Variants in CDH20 observed in about 807,000 individuals in gnomAD.
CDH20 encodes the protein cadherin-20.
Under a neutral mutation model 74.2 loss-of-function variants are expected in CDH20, and 29 were observed. The observed-to-expected ratio is 0.39, with a 90% confidence interval of 0.29 to 0.53. The LOEUF is 0.53. Among genes scored for constraint, CDH20 ranks in the 20% least tolerant of loss-of-function variants. The probability of loss-of-function intolerance (pLI) is 0.69; values close to 1 mark genes in which losing one functional copy is unlikely to be tolerated. For missense variants in CDH20, 988 were observed against 1,048.3 expected, an observed-to-expected ratio of 0.94 and a Z score of 0.79; for synonymous variants, 469 against 405.4, an observed-to-expected ratio of 1.16 and a Z score of -1.88.
chr18:61,444,464 T>C, intron 1 of CDH20, among the ~76,000 whole-genome samples: 1 of 152,210 alleles, frequency 6.6e-6, no homozygotes, highest in Non-Finnish European at 1.5e-5. Flanking sequence ...GCTTGAAGGC[T>C]AATACCCTTG....
At chr18:61,545,632 T>C (rs1913222050) in intron 10 of CDH20, among the ~76,000 whole-genome samples, 1 of 151,898 alleles carries the variant, frequency 6.6e-6, no homozygotes, top group African/African-American at 2.4e-5. Flanking sequence ...GAAAGTGATC[T>C]AGGATAAAAA....
chr18:61,355,605 G>A (rs1382060765), intron 1 of CDH20, among the ~76,000 whole-genome samples: 2 of 152,094 alleles, frequency 1.3e-5, no homozygotes, highest in South Asian at 2.1e-4. Context: ...TATGGCTAGT[G>A]GACCAAAAAA....
chr18:61,473,993 T>A (rs76210538), intron 1 of CDH20, among the ~76,000 whole-genome samples: 1,569 of 152,358 alleles, frequency 0.01, 27 homozygotes, highest in African/African-American at 0.034. Flanking sequence ...ATGTTATAAA[T>A]GCTTACTACT....
chr18:61,469,173 C>T (rs1461809391), intron 1 of CDH20, among the ~76,000 whole-genome samples: 1 of 152,144 alleles, frequency 6.6e-6, no homozygotes. Flanking sequence ...TGTTTCATGT[C>T]AGCCTCTGCT....
At chr18:61,497,098 AAAAAG>A (rs1347763656) in intron 2 of CDH20, among the ~76,000 whole-genome samples, 52 of 52,740 alleles carry the variant, frequency 9.9e-4, no homozygotes, top group African/African-American at 3.4e-3. Context: ...TGTAAAAAAA[AAAAAG>A]AAAGAAAGAA....
intron 6 of CDH20, among the ~76,000 whole-genome samples, chr18:61,510,907 A>T (rs1205815474): frequency 6.6e-6 from 1 of 152,082 alleles, no homozygotes; most frequent in Non-Finnish European, 1.5e-5. Flanking sequence ...ATTGCTAACC[A>T]TAACTAGTAA....
intron 7 of CDH20, among the ~76,000 whole-genome samples, chr18:61,529,517 T>C (rs1688380148): frequency 6.6e-6 from 1 of 152,232 alleles, no homozygotes; most frequent in African/African-American, 2.4e-5. Flanking sequence ...TAATGTATTA[T>C]ATAACAACTT....
intron 1 of CDH20, among the ~76,000 whole-genome samples, chr18:61,348,435 G>A (rs1175079594): frequency 1.3e-5 from 2 of 152,070 alleles, no homozygotes; most frequent in Non-Finnish European, 2.9e-5. Flanking sequence ...GTTATCTTGG[G>A]TGTTGAATTT....
intron 1 of CDH20, among the ~76,000 whole-genome samples, chr18:61,437,326 T>C (rs1221151148): frequency 6.6e-6 from 1 of 152,200 alleles, no homozygotes; most frequent in East Asian, 1.9e-4. Flanking sequence ...AAATGTAATT[T>C]GTGAGCTGCC....
At chr18:61,342,384 T>C (rs1909981271) in intron 1 of CDH20, among the ~76,000 whole-genome samples, 1 of 152,242 alleles carries the variant, frequency 6.6e-6, no homozygotes, top group Non-Finnish European at 1.5e-5. Context: ...ATGCAGAAAC[T>C]GAGGCAGGAT....
intron 1 of CDH20, among the ~76,000 whole-genome samples, chr18:61,379,976 C>T (rs958389609): frequency 1.3e-5 from 2 of 152,226 alleles, no homozygotes; most frequent in African/African-American, 4.8e-5. Flanking sequence ...TAAGGACTGT[C>T]AGCTTGTAGT....
intron 9 of CDH20, among the ~76,000 whole-genome samples, chr18:61,543,982 G>GC (rs1246754991): frequency 6.6e-6 from 1 of 152,208 alleles, no homozygotes; most frequent in East Asian, 1.9e-4. Context: ...CCTAGAAACG[G>GC]CTGGCCGTGG....
At chr18:61,500,668 CA>C (rs1911345219) in intron 4 of CDH20, among the ~76,000 whole-genome samples, 166 bp downstream of exon 4, 2 of 152,186 alleles carry the variant, frequency 1.3e-5, no homozygotes, top group African/African-American at 4.8e-5. Flanking sequence ...ACTGCCCTGA[CA>C]GGTAAGAGCA....
chr18:61,396,389 C>G (rs898393856), intron 1 of CDH20, among the ~76,000 whole-genome samples: 1 of 151,820 alleles, frequency 6.6e-6, no homozygotes, highest in African/African-American at 2.4e-5. Flanking sequence ...TCTGTGGGTA[C>G]CTTCACCTGT....
intron 5 of CDH20, among the ~76,000 whole-genome samples, chr18:61,503,987 C>T (rs1201269068): frequency 6.6e-6 from 1 of 152,080 alleles, no homozygotes; most frequent in African/African-American, 2.4e-5. Context: ...GACAAAACAA[C>T]GTCTCTACCA....
chr18:61,550,822 A>G (rs1315882892), intron 11 of CDH20, among the ~76,000 whole-genome samples: 2 of 152,224 alleles, frequency 1.3e-5, no homozygotes, highest in African/African-American at 4.8e-5. Flanking sequence ...GAAAAGTGAC[A>G]GGGATAGACG....
chr18:61,480,019 G>T (rs1910532277), intron 1 of CDH20, among the ~76,000 whole-genome samples: 1 of 152,060 alleles, frequency 6.6e-6, no homozygotes, highest in Admixed American at 6.6e-5. Context: ...GAAATGAAAG[G>T]GTAGAATAAA....
At chr18:61,452,380 A>G (rs1301964693) in intron 1 of CDH20, among the ~76,000 whole-genome samples, 1 of 152,316 alleles carries the variant, frequency 6.6e-6, no homozygotes, top group East Asian at 1.9e-4. Context: ...AATTCCAACA[A>G]GAATAATGGC....
Position 61,507,430 on chromosome 18 carries a change from T to G in CDH20, c.887T>G (p.Val296Gly). 1 of 1,613,606 alleles carries G rather than the reference T, an allele frequency of 6.2e-7. No individual in the cohort carries two copies. The highest frequency in any genetic ancestry group is 8.5e-7 in the Non-Finnish European group (1 of 1,179,886). ...CCAATTAGCTCCACTGTCGGGAGAG[T>G]GTTTGCCAAGGACTTGGATGAAGGC... ...SAPISSTVGRVFAKDLDEGIN... is the reference protein window; with the variant it reads ...SAPISSTVGRGFAKDLDEGIN... The change falls in exon 6 of 12, where the codon GTG becomes GGG. Residue 296 changes from valine to glycine, a missense_variant. This residue lies in a region of CDH20 where 613 missense variants were observed against 755.2 expected (regional missense o/e 0.81). Coordinates refer to ENST00000262717, the MANE Select transcript of CDH20 (RefSeq NM_031891.4).
Sources: gnomAD v4.1 joint callset for allele counts (sites outside exome capture counted in the v4.1 genomes callset) on GRCh38, gnomAD v4.1.1 for gene constraint, gnomAD v4.1.1 regional missense constraint, MANE v1.5 for transcripts, NCBI Gene and HGNC (gene_info 2026-07-23, HGNC 2026-07-21) for gene names.